CAMTA1: variants seen among roughly 807,000 people sequenced by gnomAD.
CAMTA1 encodes the protein calmodulin binding transcription activator 1.
CAMTA1 carries 27 observed loss-of-function variants against 170.9 expected under a neutral mutation model. The ratio of observed to expected loss-of-function variants is 0.16; its 90% CI spans 0.12 to 0.22. The LOEUF (loss-of-function observed/expected upper bound fraction) is 0.22, where lower values mean the gene tolerates loss of function less well. Among genes scored for constraint, CAMTA1 ranks in the 10% least tolerant of loss-of-function variants. The pLI is 1.00. For synonymous variants in CAMTA1, 833 were observed against 891.5 expected, an observed-to-expected ratio of 0.93 and a Z score of 1.17; for missense variants, 1,619 against 2,217.2, an observed-to-expected ratio of 0.73 and a Z score of 5.42.
At chr1:7,048,404 A>G (rs1216835275) in intron 3 of CAMTA1, among the ~76,000 whole-genome samples, 1 of 152,220 alleles carries the variant, frequency 6.6e-6, no homozygotes, top group East Asian at 1.9e-4. Flanking sequence ...TTTGAAAAAC[A>G]AAGTACAATT....
intron 7 of CAMTA1, among the ~76,000 whole-genome samples, chr1:7,653,016 C>T (rs1029353693): frequency 6.6e-6 from 1 of 152,198 alleles, no homozygotes; most frequent in Non-Finnish European, 1.5e-5. Context: ...ATCTCTAGAC[C>T]TGAGCTTCTC....
chr1:7,704,967 C>T (rs1216361825), intron 11 of CAMTA1, among the ~76,000 whole-genome samples: 2 of 7,140 alleles, frequency 2.8e-4, no homozygotes, highest in African/African-American at 4.4e-4. Context: ...GGGGCGCGCG[C>T]GGGGCGGGGG....
intron 3 of CAMTA1, among the ~76,000 whole-genome samples, chr1:6,900,622 G>C (rs1676727191): frequency 6.6e-6 from 1 of 152,060 alleles, no homozygotes; most frequent in Non-Finnish European, 1.5e-5. Context: ...AAGATCAATT[G>C]TATTTCTATA....
At position 7,080,963 on chromosome 1, in the gene CAMTA1, A is replaced by G. The variant is rs1371407593; in HGVS notation, c.235-10341A>G. Among the ~76,000 whole-genome samples the G allele has an allele frequency of 3.3e-5, 5 of 152,236 alleles. No homozygotes were observed. The East Asian group carries it at 9.6e-4, about 29-fold the overall frequency. On this transcript the variant is annotated intron_variant, in intron 3 of 22. Transcript: ENST00000303635. Reference sequence around the variant, plus strand: ...TGAGGAAAAGCAGACAACAAATCAAATAAGGACTAGAAGACCCTTCCTGAC... The same window carrying G: ...TGAGGAAAAGCAGACAACAAATCAAGTAAGGACTAGAAGACCCTTCCTGAC...
At chr1:7,162,084 T>C (rs184875883) in intron 4 of CAMTA1, among the ~76,000 whole-genome samples, 1 of 152,194 alleles carries the variant, frequency 6.6e-6, no homozygotes, top group East Asian at 1.9e-4. Flanking sequence ...TAGAAGGCCA[T>C]TGGGCAGGGG....
intron 3 of CAMTA1, among the ~76,000 whole-genome samples, chr1:6,910,385 GCA>G (rs1420448419): frequency 4.6e-5 from 7 of 152,182 alleles, no homozygotes; most frequent in Non-Finnish European, 1.0e-4. Flanking sequence ...TTCTGCATAG[GCA>G]CAGAGTCACC....
intron 3 of CAMTA1, among the ~76,000 whole-genome samples, chr1:6,848,219 C>T (rs996802220): frequency 2.0e-5 from 3 of 152,178 alleles, no homozygotes; most frequent in Non-Finnish European, 4.4e-5. Context: ...GATCATAGCT[C>T]ACCATAGACT....
At chr1:7,704,952 C>CGGCGGGGGCGCGCGCGG (rs1422129335) in intron 11 of CAMTA1, among the ~76,000 whole-genome samples, 2 of 50,828 alleles carry the variant, frequency 3.9e-5, no homozygotes, top group Non-Finnish European at 7.4e-5. Flanking sequence ...GGGCGGCGGC[C>CGGCGGGGGCGCGCGCGG]GGCGGGGGCG....
chr1:7,661,678 C>T, intron 7 of CAMTA1, 48 bp from the exon 8 acceptor site: 2 of 1,610,964 alleles, frequency 1.2e-6, no homozygotes, highest in Non-Finnish European at 8.5e-7. Context: ...ACCCAGGTCC[C>T]CTCTGCACCC....
At chr1:7,755,494 G>A (rs12408963) in intron 21 of CAMTA1, 144 bp from the exon 22 acceptor site, 53,109 of 662,882 alleles carry the variant, frequency 0.08, 2,624 homozygotes, top group Middle Eastern at 0.2. Context: ...CTCATTTCAC[G>A]TACCCCACCA....
At chr1:7,508,723 GTGGAGGGAGGGAA>G (rs1046103263) in intron 6 of CAMTA1, among the ~76,000 whole-genome samples, 5 of 151,866 alleles carry the variant, frequency 3.3e-5, no homozygotes, top group Admixed American at 6.6e-5. Flanking sequence ...GGTTGGAAGG[GTGGAGGGAGGGAA>G]GGGAGGGAGG....
intron 5 of CAMTA1, among the ~76,000 whole-genome samples, chr1:7,398,699 G>A (rs1301794857): frequency 6.6e-6 from 1 of 151,898 alleles, no homozygotes; most frequent in East Asian, 1.9e-4. Flanking sequence ...TGGCTCTTTT[G>A]TACATCCTGT....
At chr1:7,061,769 A>C (rs888574599) in intron 3 of CAMTA1, among the ~76,000 whole-genome samples, 1 of 150,798 alleles carries the variant, frequency 6.6e-6, no homozygotes, top group Non-Finnish European at 1.5e-5. Context: ...AGGCTGGAGT[A>C]GGGGCAGTGG....
chr1:6,898,808 C>T (rs897955545), intron 3 of CAMTA1, among the ~76,000 whole-genome samples: 7 of 152,328 alleles, frequency 4.6e-5, no homozygotes, highest in Middle Eastern at 3.4e-3. Flanking sequence ...AGCCTGATAC[C>T]AAGAAGGACC....
intron 6 of CAMTA1, among the ~76,000 whole-genome samples, chr1:7,627,623 A>G (rs1328668414): frequency 6.6e-6 from 1 of 152,234 alleles, no homozygotes; most frequent in Non-Finnish European, 1.5e-5. Context: ...AGGAGGTAGC[A>G]GAACCCAGAC....
At chr1:6,905,288 G>T (rs1185484981) in intron 3 of CAMTA1, among the ~76,000 whole-genome samples, 1 of 149,146 alleles carries the variant, frequency 6.7e-6, no homozygotes, top group Non-Finnish European at 1.5e-5. Context: ...CCACCTCCCG[G>T]GTTCGAGCAA....
chr1:7,061,179 T>C (rs1349368559), intron 3 of CAMTA1, among the ~76,000 whole-genome samples: 1 of 152,198 alleles, frequency 6.6e-6, no homozygotes, highest in Non-Finnish European at 1.5e-5. Context: ...CCAAAAGAGT[T>C]TGGTTCGGTT....
chr1:6,955,426 C>A (rs1322933951), intron 3 of CAMTA1, among the ~76,000 whole-genome samples: 2 of 152,180 alleles, frequency 1.3e-5, no homozygotes, highest in Non-Finnish European at 2.9e-5. Flanking sequence ...TAGCCAAAGG[C>A]CAGGTCCAGG....
Position 7,738,127 on chromosome 1 carries a change from G to A in CAMTA1, c.3827G>A (p.Ser1276Asn), listed in dbSNP as rs762291059. 2 of 1,614,146 alleles carry A rather than the reference G, an allele frequency of 1.2e-6. No homozygotes were observed. Among genetic ancestry groups the A allele is most frequent in the Non-Finnish European group, 1.7e-6 (2 of 1,180,016 alleles). Residue 1276 changes from serine to asparagine, a missense_variant, in exon 16 of 23, where the codon AGC becomes AAC. Physicochemically the swap from Ser to Asn is conservative, Grantham distance 46. Transcript: ENST00000303635. This position sits in a 1 kb window ranked among gnomAD's most constrained non-coding sequence, Gnocchi z 4.9. ...GAAGAGCCAAATATCAGGAAGCAAA[G>A]CCCTAGTTCTAAGCAGTCTGTCCCC... ...SLEEPNIRKQ[S>N]PSSKQSVPET...
Sources: gnomAD v4.1 joint callset for allele counts (sites outside exome capture counted in the v4.1 genomes callset) on GRCh38, gnomAD v4.1.1 for gene constraint, Gnocchi (gnomAD v3.1) non-coding constraint, MANE v1.5 for transcripts, NCBI Gene and HGNC (gene_info 2026-07-23, HGNC 2026-07-21) for gene names.